Variants in CERKL observed in about 807,000 individuals in gnomAD.
The protein encoded by CERKL is ceramide kinase-like protein.
In CERKL, 61 loss-of-function variants were observed where a neutral mutation model predicts 63.4. The observed-to-expected ratio is 0.96, with a 90% CI of 0.78 to 1.19. CERKL has a LOEUF of 1.19. Ranked by LOEUF, CERKL falls within the 50% of genes most tolerant of loss-of-function variation. The pLI, the probability that CERKL is intolerant of heterozygous loss-of-function variation, is 0.00. For synonymous variants in CERKL, 250 were observed against 230.5 expected (o/e 1.08, Z -0.77); for missense variants, 675 against 655.5 (o/e 1.03, Z -0.33).
chr2:181,645,260 G>A (rs1490858013), intron 1 of CERKL, among the ~76,000 whole-genome samples: 1 of 152,164 alleles, frequency 6.6e-6, no homozygotes, highest in Non-Finnish European at 1.5e-5. Context: ...AAGTATATAG[G>A]AATGTAGTCA....
Position 181,642,140 on chromosome 2 carries a change from C to T in CERKL, c.238+14629G>A, listed in dbSNP as rs187497770. On this transcript the variant is annotated intron_variant, in intron 1 of 12. Transcript: ENST00000410087. ...AGAACTAAATTTTTTTCTAAAGAGG[C>T]TTTTTTCTTAACGTGTAGACTGATG... 2.9e-3 allele frequency among the ~76,000 whole-genome samples: 436 copies of T among 152,178 alleles called. 10 individuals are homozygous for T. The highest frequency in any genetic ancestry group is 9.0e-4 in the Non-Finnish European group (61 of 67,978).
rs897121923 is a variant in CERKL at position 181,537,744 on chromosome 2, A to C, written c.*440T>G. ...TGTGTCCAATAAACACATTGTAAAA[A>C]AAAGAATTTGAATTGATATCTAAAA... On this transcript the variant is annotated 3_prime_UTR_variant, in exon 13 of 13. Transcript: ENST00000410087. The C allele has an allele frequency of 4.5e-6, 2 of 442,670 alleles. No homozygotes were observed. The highest frequency in any genetic ancestry group is 4.0e-5 in the African/African-American group (2 of 49,440). The allele number at this position is 442,670 out of a possible 1,614,324, so 27.4% of individuals were successfully genotyped here. A position where few individuals can be genotyped will look rare whatever the true frequency, so the allele number is the denominator to read the frequency against.
At chr2:181,652,142 G>C (rs908513119) in intron 1 of CERKL, among the ~76,000 whole-genome samples, 28 of 151,220 alleles carry the variant, frequency 1.9e-4, no homozygotes, top group Admixed American at 1.4e-3. Context: ...TTACAGAAAT[G>C]TTACAATCTG....
At chr2:181,592,661 G>A (rs991127949) in intron 2 of CERKL, among the ~76,000 whole-genome samples, 1 of 152,186 alleles carries the variant, frequency 6.6e-6, no homozygotes, top group Non-Finnish European at 1.5e-5. Context: ...CTTTTCAAGT[G>A]TCAGGAGAGC....
intron 2 of CERKL, among the ~76,000 whole-genome samples, chr2:181,582,759 G>C (rs998737161): frequency 4.6e-5 from 7 of 152,044 alleles, no homozygotes; most frequent in South Asian, 2.1e-4. Flanking sequence ...GGCCAGGCTC[G>C]TCTTGAACTC....
chr2:181,641,558 A>G (rs1439642092), intron 1 of CERKL, among the ~76,000 whole-genome samples: 2 of 152,036 alleles, frequency 1.3e-5, no homozygotes, highest in Admixed American at 1.3e-4. Context: ...TTAAATAGGC[A>G]GCTCAAATTG....
At chr2:181,581,017 T>C (rs893310385) in intron 2 of CERKL, among the ~76,000 whole-genome samples, 3 of 152,186 alleles carry the variant, frequency 2.0e-5, no homozygotes, top group Non-Finnish European at 4.4e-5. Flanking sequence ...CATTTTACCC[T>C]GCTACAAGGA....
intron 2 of CERKL, among the ~76,000 whole-genome samples, chr2:181,582,719 AT>A (rs1684576073): frequency 6.6e-6 from 1 of 151,652 alleles, no homozygotes; most frequent in African/African-American, 2.4e-5. Context: ...TAATTTTTGT[AT>A]TTTTAGTAAA....
chr2:181,646,376 C>T (rs1008778006), intron 1 of CERKL, among the ~76,000 whole-genome samples: 1 of 152,204 alleles, frequency 6.6e-6, no homozygotes, highest in African/African-American at 2.4e-5. Context: ...TAGTTATTGT[C>T]CCATAACTTA....
intron 1 of CERKL, among the ~76,000 whole-genome samples, chr2:181,605,693 A>T (rs1003733659): frequency 1.3e-5 from 2 of 152,218 alleles, no homozygotes; most frequent in Non-Finnish European, 2.9e-5. Context: ...AGTAAAATTC[A>T]CAATGTCACT....
intron 1 of CERKL, among the ~76,000 whole-genome samples, chr2:181,616,026 G>A (rs1163883274): frequency 6.6e-6 from 1 of 151,884 alleles, no homozygotes; most frequent in Non-Finnish European, 1.5e-5. Flanking sequence ...AATCGCAAAT[G>A]TCACATTGTT....
chr2:181,599,982 A>G (rs1404404338), intron 2 of CERKL, among the ~76,000 whole-genome samples: 1 of 152,202 alleles, frequency 6.6e-6, no homozygotes, highest in African/African-American at 2.4e-5. Context: ...AAGGAAATCC[A>G]ATCAGACTAA....
intron 4 of CERKL, among the ~76,000 whole-genome samples, chr2:181,560,974 A>G (rs1574450081): frequency 1.3e-5 from 2 of 152,350 alleles, no homozygotes; most frequent in Admixed American, 6.5e-5. Flanking sequence ...TAAGTCGCCA[A>G]CTAACTGAAT....
At chr2:181,581,488 T>C (rs995423302) in intron 2 of CERKL, among the ~76,000 whole-genome samples, 1 of 152,204 alleles carries the variant, frequency 6.6e-6, no homozygotes, top group African/African-American at 2.4e-5. Context: ...GTGAATCCTG[T>C]AGTTGACAGC....
intron 2 of CERKL, among the ~76,000 whole-genome samples, chr2:181,599,893 T>C (rs547562210): frequency 2.1e-4 from 32 of 152,124 alleles, no homozygotes; most frequent in Non-Finnish European, 4.0e-4. Flanking sequence ...CCAAGGAATA[T>C]AGTCCATCAG....
At chr2:181,617,565 G>C (rs993097983) in intron 1 of CERKL, 3 of 152,108 alleles carry the variant, frequency 2.0e-5, no homozygotes, top group African/African-American at 4.8e-5. Context: ...TAATCTCAAA[G>C]AATTTTCTGA....
At chr2:181,650,039 C>T (rs62190009) in intron 1 of CERKL, 39,861 of 136,630 alleles carry the variant, frequency 0.29, 6,549 homozygotes, top group Middle Eastern at 0.4. Context: ...AAGCCAAGAT[C>T]GTGCCTCTGC....
intron 1 of CERKL, among the ~76,000 whole-genome samples, chr2:181,613,238 A>G (rs1193700005): frequency 6.6e-6 from 1 of 152,226 alleles, no homozygotes; most frequent in African/African-American, 2.4e-5. Flanking sequence ...GATTCCACAT[A>G]TAAGTGAGAT....
chr2:181,630,297 T>C (rs186998549), intron 1 of CERKL, among the ~76,000 whole-genome samples: 1 of 152,112 alleles, frequency 6.6e-6, no homozygotes, highest in East Asian at 1.9e-4. Flanking sequence ...CTACCTTCCC[T>C]GGCCTCCCAA....
Sources: gnomAD v4.1 joint callset for allele counts (sites outside exome capture counted in the v4.1 genomes callset) on GRCh38, gnomAD v4.1.1 for gene constraint, MANE v1.5 for transcripts, NCBI Gene and HGNC (gene_info 2026-07-23, HGNC 2026-07-21) for gene names.